The following LMOD3 variants were observed in gnomAD, a reference collection of about 807,000 sequenced individuals.
The protein encoded by LMOD3 is leiomodin-3.
In LMOD3, 31 loss-of-function variants were observed where a neutral mutation model predicts 41.8. That is an observed-to-expected ratio of 0.74 (90% CI 0.56 to 1.00). The LOEUF is 1.00. LMOD3 is among the 50% of genes least tolerant of loss of function. The probability of loss-of-function intolerance (pLI) is 0.00; values close to 1 mark genes in which losing one functional copy is unlikely to be tolerated. For missense variants in LMOD3, 755 were observed against 679.5 expected (o/e 1.11, Z -1.23); for synonymous variants, 292 against 241.9 (o/e 1.21, Z -1.92).
chr3:69,118,372 G>A (rs925970692), intron 2 of LMOD3, among the ~76,000 whole-genome samples: 4 of 152,130 alleles, frequency 2.6e-5, no homozygotes, highest in Non-Finnish European at 4.4e-5. Flanking sequence ...TAAATGGGGA[G>A]AATAACAGTA....
At position 69,108,844 on chromosome 3, in the gene LMOD3, C is replaced by T; in HGVS notation, c.*251G>A. The stretch of plus-strand genomic sequence containing the variant: ...ATATGACTCTAAATTTCACCTGAGT[C>T]ACTCAAATTGATTGCAAGTAGAAAA... On this transcript the variant is annotated 3_prime_UTR_variant, in exon 3 of 3. Coordinates refer to ENST00000420581, the MANE Select transcript of LMOD3 (RefSeq NM_198271.5). 2.7e-6 allele frequency: 1 copy of T among 374,342 alleles called. No homozygotes were observed. The allele number at this position is 374,342 out of a possible 1,614,324, so 23.2% of individuals were successfully genotyped here. A position where few individuals can be genotyped will look rare whatever the true frequency, so the allele number is the denominator to read the frequency against.
In LMOD3 at chr3:69,119,590, C is replaced by T; in HGVS notation, c.765G>A (p.Met255Ile). The T allele has an allele frequency of 6.2e-7, 1 of 1,613,766 alleles. No individual in the cohort carries two copies. The highest frequency in any genetic ancestry group is 8.5e-7 in the Non-Finnish European group (1 of 1,179,884). Residue 255 changes from methionine (M) to isoleucine (I), a missense_variant, in exon 2 of 3, where the codon ATG (methionine) becomes ATA (isoleucine). Transcript: ENST00000420581. ...CAATGTTGTTCAGGTTGAGTTCCTT[C>T]ATGTCAGGATCATTTTTCCTAACTC... ...LRRVRKNDPD[M>I]KELNLNNIEN...
At chr3:69,111,130 T>C (rs1207051969) in intron 2 of LMOD3, among the ~76,000 whole-genome samples, 1 of 152,146 alleles carries the variant, frequency 6.6e-6, no homozygotes, top group African/African-American at 2.4e-5. Context: ...TGTTTCTCCC[T>C]GTATTGCTAA....
In LMOD3 at chr3:69,122,128, C is replaced by T. The variant is rs1383334913; in HGVS notation, c.259G>A (p.Glu87Lys). Reference protein sequence around the residue: ...WEKASRRMLEEERVPVTFVKS... With the variant: ...WEKASRRMLEKERVPVTFVKS... ...ACAAAGGTGACAGGAACTCGTTCCT[C>T]TTCCAGCATGCGCCTGGATGCCTTT... The change falls in exon 1 of 3, where the codon GAG becomes AAG. Residue 87 changes from glutamate (E) to lysine (K), a missense_variant. Glu to Lys is a moderately conservative substitution (Grantham distance 56). Coordinates refer to ENST00000420581, the MANE Select transcript of LMOD3 (RefSeq NM_198271.5). 6.2e-7 allele frequency: 1 copy of T among 1,612,478 alleles called. No individual in the cohort carries two copies. The highest frequency in any genetic ancestry group is 1.3e-5 in the African/African-American group (1 of 74,906).
chr3:69,110,853 A>AAAAAAAAAAAAAAAAAAATATATATAT (rs1458630453), intron 2 of LMOD3, among the ~76,000 whole-genome samples: 4 of 104,116 alleles, frequency 3.8e-5, no homozygotes, highest in African/African-American at 1.9e-4. Flanking sequence ...AAAAAAAAAA[A>AAAAAAAAAAAAAAAAAAATATATATAT]ATATATATAT....
chr3:69,109,216 T>C, intron 2 of LMOD3, 95 bp from the exon 3 acceptor site: 3 of 1,155,668 alleles, frequency 2.6e-6, no homozygotes, highest in Non-Finnish European at 3.8e-6. Context: ...CCTTAAAAGA[T>C]ACAGAATAGG....
intron 2 of LMOD3, among the ~76,000 whole-genome samples, chr3:69,113,595 G>A (rs955169692): frequency 6.6e-6 from 1 of 152,190 alleles, no homozygotes; most frequent in Non-Finnish European, 1.5e-5. Flanking sequence ...AAGTCTTTCT[G>A]GAGGAAAATT....
At chr3:69,110,776 G>C (rs1187079835) in intron 2 of LMOD3, among the ~76,000 whole-genome samples, 5 of 142,196 alleles carry the variant, frequency 3.5e-5, no homozygotes, top group African/African-American at 1.3e-4. Flanking sequence ...CCGGGAGGCA[G>C]AGGTTGCCTT....
At chr3:69,117,555 T>C (rs1006392433) in intron 2 of LMOD3, among the ~76,000 whole-genome samples, 2 of 152,200 alleles carry the variant, frequency 1.3e-5, no homozygotes, top group Non-Finnish European at 2.9e-5. Context: ...ATCATAATAA[T>C]GACCAAAATA....
At chr3:69,115,540 T>G (rs187995648) in intron 2 of LMOD3, among the ~76,000 whole-genome samples, 10 of 151,256 alleles carry the variant, frequency 6.6e-5, no homozygotes, top group African/African-American at 2.4e-4. Flanking sequence ...AGAAAAAAAT[T>G]TGTTTCTGAA....
At chr3:69,110,478 C>G (rs2092343326) in intron 2 of LMOD3, among the ~76,000 whole-genome samples, 1 of 151,472 alleles carries the variant, frequency 6.6e-6, no homozygotes, top group African/African-American at 2.4e-5. Flanking sequence ...GCTCCACCCA[C>G]CTTGGCCTCC....
At chr3:69,120,861 T>C (rs9844987) in intron 1 of LMOD3, among the ~76,000 whole-genome samples, 26,963 of 152,014 alleles carry the variant, frequency 0.18, 2,707 homozygotes, top group African/African-American at 0.28. Flanking sequence ...TTATCAATAA[T>C]ATGTATTAGA....
chr3:69,122,035 A>G, intron 1 of LMOD3, 58 bp downstream of exon 1: 1 of 1,389,528 alleles, frequency 7.2e-7, no homozygotes, highest in Non-Finnish European at 9.9e-7. Flanking sequence ...TACAACAGAG[A>G]GACCTAACAG....
chr3:69,115,930 T>C (rs62255470), intron 2 of LMOD3, among the ~76,000 whole-genome samples: 2,728 of 152,230 alleles, frequency 0.018, 38 homozygotes, highest in East Asian at 0.061. Flanking sequence ...ATTACCTCCA[T>C]TGAGTCATGT....
chr3:69,108,934 G>T lies in LMOD3; in HGVS notation c.*161C>A. The T allele has an allele frequency of 1.7e-6, 1 of 588,086 alleles. No individual in the cohort carries two copies. Among genetic ancestry groups the T allele is most frequent in the South Asian group, 2.5e-5 (1 of 40,524 alleles). 36.4% of individuals were successfully genotyped at this position (588,086 alleles called of 1,614,324 possible). A position where few individuals can be genotyped will look rare whatever the true frequency, so the allele number is the denominator to read the frequency against. On this transcript the variant is annotated 3_prime_UTR_variant, in exon 3 of 3. Coordinates refer to ENST00000420581, the MANE Select transcript of LMOD3 (RefSeq NM_198271.5). ...CCTCTTCAGCCCCTACTTCTTCATG[G>T]CCCAAACATTCTGCCTTTTACAAAT...
chr3:69,113,220 C>G (rs1012823539), intron 2 of LMOD3, among the ~76,000 whole-genome samples: 1 of 152,010 alleles, frequency 6.6e-6, no homozygotes, highest in Non-Finnish European at 1.5e-5. Context: ...AAACTGGGAA[C>G]CAGAAGCAAC....
rs1000213784 is a variant in LMOD3, at chr3:69,107,067, C to G, written c.*2028G>C. ...ATTATGTTTAAAGTGCTTTTCCTAT[C>G]AGAGTTTAGCCTCTTAGATGTAGTA... On this transcript the variant is annotated 3_prime_UTR_variant, in exon 3 of 3. Coordinates refer to ENST00000420581, the MANE Select transcript of LMOD3 (RefSeq NM_198271.5). 3 of 151,842 alleles carry G rather than the reference C, an allele frequency of 2.0e-5. No homozygotes were observed. Among genetic ancestry groups the G allele is most frequent in the African/African-American group, 7.3e-5 (3 of 41,298 alleles). The allele number at this position is 151,842 out of a possible 1,614,324, so 9.4% of individuals were successfully genotyped here.
chr3:69,118,305 C>CT (rs1414377439), intron 2 of LMOD3, among the ~76,000 whole-genome samples: 4 of 152,124 alleles, frequency 2.6e-5, no homozygotes, highest in African/African-American at 9.7e-5. Flanking sequence ...CTACCACTTC[C>CT]TAGCTGTGTC....
chr3:69,110,447 C>G (rs112447920), intron 2 of LMOD3, among the ~76,000 whole-genome samples: 1 of 149,064 alleles, frequency 6.7e-6, no homozygotes, highest in African/African-American at 2.4e-5. Flanking sequence ...CCAGGCTTGT[C>G]GTGAACTCCT....
Sources: allele counts gnomAD v4.1 joint callset (sites outside exome capture counted in the v4.1 genomes callset), GRCh38; gene constraint gnomAD v4.1.1; transcripts MANE v1.5; gene names NCBI Gene and HGNC (gene_info 2026-07-23, HGNC 2026-07-21).